CCT7: variants seen among roughly 807,000 people sequenced by gnomAD.
CCT7 encodes T-complex protein 1 subunit eta.
In CCT7, 16 loss-of-function variants were observed where a neutral mutation model predicts 56.6. That is an observed-to-expected ratio of 0.28 (90% confidence interval 0.19 to 0.43). CCT7 has a LOEUF of 0.43. Among genes scored for constraint, CCT7 ranks in the 20% least tolerant of loss-of-function variants. CCT7 has a pLI of 1.00. For synonymous variants in CCT7, 262 were observed against 254.8 expected (o/e 1.03, Z -0.27); for missense variants, 519 against 685.6 (o/e 0.76, Z 2.71).
At chr2:73,245,959 TTGAGATTAGATTGGCA>T (rs1687315246) in intron 6 of CCT7, among the ~76,000 whole-genome samples, 1 of 152,178 alleles carries the variant, frequency 6.6e-6, no homozygotes, top group African/African-American at 2.4e-5. Flanking sequence ...CCATAAATGG[TTGAGATTAGATTGGCA>T]TCCACTTCTA....
intron 7 of CCT7, 147 bp downstream of exon 7, chr2:73,248,073 C>G: frequency 1.4e-6 from 1 of 709,322 alleles, no homozygotes; most frequent in Non-Finnish European, 2.3e-6. Flanking sequence ...TCTTTCCATA[C>G]TCTGTGTTCT....
At chr2:73,247,988 G>A (rs1191339182) in intron 7 of CCT7, 62 bp downstream of exon 7, 5 of 1,464,276 alleles carry the variant, frequency 3.4e-6, no homozygotes, top group Non-Finnish European at 4.8e-6. Flanking sequence ...CCAGAGCCCT[G>A]GGTCTTCATG....
At position 73,244,613 on chromosome 2, in the gene CCT7, A is replaced by G. The variant is rs1222261462; in HGVS notation, c.516A>G (p.Lys172=). The change falls in exon 6 of 12, where the codon AAA becomes AAG. Residue 172 remains lysine (K), a synonymous_variant. Coordinates refer to ENST00000258091, the MANE Select transcript of CCT7 (RefSeq NM_006429.4). ...GCTCCAAGCTGATCTCCCAGCAGAA[A>G]GCTTTCTTTGCTAAGATGGTGGTGG... ...ALSSKLISQQ[K]AFFAKMVVDA... is the part of the protein sequence containing the mutation. 1.9e-6 allele frequency: 3 copies of G among 1,613,770 alleles called. No individual in the cohort carries two copies. Among genetic ancestry groups the G allele is most frequent in the African/African-American group, 1.3e-5 (1 of 74,934 alleles).
chr2:73,240,344 G>C (rs927091766), intron 2 of CCT7, 93 bp from the exon 3 acceptor site: 1 of 789,172 alleles, frequency 1.3e-6, no homozygotes, highest in East Asian at 2.6e-5. Flanking sequence ...GATCCCCTCT[G>C]CCCCATCCCA....
At chr2:73,245,726 C>A (rs1687305585) in intron 6 of CCT7, among the ~76,000 whole-genome samples, 1 of 152,206 alleles carries the variant, frequency 6.6e-6, no homozygotes, top group Admixed American at 6.5e-5. Flanking sequence ...CCTGGCCCTT[C>A]TCTTTAAATT....
rs746131337 is a variant in CCT7, at chr2:73,252,637, T to C, written c.1411-3T>C. 2 of 1,611,788 alleles carry C rather than the reference T, an allele frequency of 1.2e-6. No homozygotes were observed. The highest frequency in any genetic ancestry group is 1.7e-6 in the Non-Finnish European group (2 of 1,177,950). On this transcript the variant is annotated splice_region_variant and splice_polypyrimidine_tract_variant and intron_variant, in intron 11 of 11. Coordinates refer to ENST00000258091, the MANE Select transcript of CCT7 (RefSeq NM_006429.4). ...TACCTCCTTTCTTTTCCTACTCTTT[T>C]AGGGGGGTACATGGTATGGAGTAGA...
Position 73,251,439 on chromosome 2 carries a change from C to T in CCT7, c.1410+7C>T. ...GCGGGCTCGGCATGCCCAGGTGGGT[C>T]CTTTCTCTCCCCAGGGTTCAGGGTT... On this transcript the variant is annotated splice_region_variant and intron_variant, in intron 11 of 11. Transcript: ENST00000258091. 6.3e-7 allele frequency: 1 copy of T among 1,598,006 alleles called. No individual in the cohort carries two copies. The highest frequency in any genetic ancestry group is 8.6e-7 in the Non-Finnish European group (1 of 1,168,220).
chr2:73,241,095 G>T (rs1687092697), intron 3 of CCT7, among the ~76,000 whole-genome samples: 1 of 142,254 alleles, frequency 7.0e-6, no homozygotes, highest in African/African-American at 2.7e-5. Flanking sequence ...TTAATACCAT[G>T]TTTAAGTGTA....
Position 73,251,336 on chromosome 2 carries a change from T to C in CCT7, c.1314T>C (p.Tyr438=). The change falls in exon 11 of 12, where the codon TAT becomes TAC. Residue 438 remains tyrosine, a synonymous_variant. Coordinates refer to ENST00000258091, the MANE Select transcript of CCT7 (RefSeq NM_006429.4). ...AACAGCAGCTGTTGATTGGGGCATA[T>C]GCCAAGGCCTTGGAGATTATCCCAC... ...PGKQQLLIGA[Y]AKALEIIPRQ... 1.2e-6 allele frequency: 2 copies of C among 1,614,182 alleles called. No homozygotes were observed.
chr2:73,250,470 C>A, intron 10 of CCT7, 32 bp downstream of exon 10: 3 of 1,610,718 alleles, frequency 1.9e-6, no homozygotes, highest in Non-Finnish European at 2.5e-6. Flanking sequence ...GCTTGCACAG[C>A]CTACTCTCTC....
Position 73,249,708 on chromosome 2 carries a change from A to T in CCT7, c.973-111A>T, listed in dbSNP as rs561235975. 23 of 742,850 alleles carry T rather than the reference A, an allele frequency of 3.1e-5. No individual in the cohort carries two copies. In the African/African-American group the frequency reaches 3.9e-4, roughly 13 times the overall value. 46.0% of individuals were successfully genotyped at this position (742,850 alleles called of 1,614,324 possible). On this transcript the variant is annotated intron_variant, in intron 8 of 11. Coordinates refer to ENST00000258091, the MANE Select transcript of CCT7 (RefSeq NM_006429.4). ...CTGGAAGTCAAGGGAAAGGGCGGGTAATGTAGAGGCTCTGGGGGCATGCGT... is the reference window on the plus strand; with the variant it reads ...CTGGAAGTCAAGGGAAAGGGCGGGTTATGTAGAGGCTCTGGGGGCATGCGT...
intron 2 of CCT7, 142 bp downstream of exon 2, chr2:73,239,938 C>A: frequency 1.4e-6 from 1 of 730,502 alleles, no homozygotes; most frequent in Non-Finnish European, 2.3e-6. Flanking sequence ...AGTTCCAATT[C>A]TTATATTGTC....
At chr2:73,250,881 A>G (rs1162285171) in intron 10 of CCT7, among the ~76,000 whole-genome samples, 1 of 151,764 alleles carries the variant, frequency 6.6e-6, no homozygotes, top group East Asian at 1.9e-4. Context: ...TGGAGGTTAC[A>G]GTGAGCTATG....
Position 73,249,007 on chromosome 2 carries a change from T to A in CCT7, c.800T>A (p.Val267Asp). The change falls in exon 8 of 12, where the codon GTT becomes GAT. Residue 267 changes from valine (V) to aspartate (D), a missense_variant. Physicochemically the swap from Val to Asp is radical, Grantham distance 152. This residue lies in a region of CCT7 where 276 missense variants were observed against 357.3 expected (regional missense o/e 0.77). Coordinates refer to ENST00000258091, the MANE Select transcript of CCT7 (RefSeq NM_006429.4). ...VHTVEDYQAI[V>D]DAEWNILYDK... ...TCTCTCCAGGATTATCAGGCAATTG[T>A]TGATGCTGAGTGGAACATTCTCTAT... is the stretch of plus-strand genomic sequence containing the variant. 6.2e-7 allele frequency: 1 copy of A among 1,612,906 alleles called. No homozygotes were observed. Among genetic ancestry groups the A allele is most frequent in the Non-Finnish European group, 8.5e-7 (1 of 1,179,742 alleles).
intron 1 of CCT7, among the ~76,000 whole-genome samples, chr2:73,237,295 T>C (rs1377821924): frequency 6.6e-6 from 1 of 152,180 alleles, no homozygotes; most frequent in African/African-American, 2.4e-5. Context: ...AGAGTGACTA[T>C]TTTAGATGGG....
intron 6 of CCT7, 83 bp downstream of exon 6, chr2:73,244,798 T>A: frequency 1.9e-6 from 2 of 1,077,920 alleles, no homozygotes; most frequent in Non-Finnish European, 2.6e-6. Flanking sequence ...GGGGTACTCA[T>A]TACAGGAATA....
At chr2:73,238,867 C>T (rs956709867) in intron 1 of CCT7, among the ~76,000 whole-genome samples, 1 of 152,156 alleles carries the variant, frequency 6.6e-6, no homozygotes, top group African/African-American at 2.4e-5. Flanking sequence ...AAGCAAGTAT[C>T]CCTGTTTCTC....
intron 1 of CCT7, 109 bp downstream of exon 1, chr2:73,234,493 T>G: frequency 7.7e-7 from 1 of 1,306,762 alleles, no homozygotes; most frequent in Non-Finnish European, 1.1e-6. Flanking sequence ...GCCGCCTCTG[T>G]CCTCGCCCAG....
At chr2:73,242,117 A>G (rs1028989887) in intron 3 of CCT7, among the ~76,000 whole-genome samples, 1 of 145,134 alleles carries the variant, frequency 6.9e-6, no homozygotes, top group East Asian at 2.0e-4. Context: ...ACTGAAAGTT[A>G]CCTTTTTTTT....
Sources: gnomAD v4.1 joint callset for allele counts (sites outside exome capture counted in the v4.1 genomes callset) on GRCh38, gnomAD v4.1.1 for gene constraint, gnomAD v4.1.1 regional missense constraint, MANE v1.5 for transcripts, NCBI Gene and HGNC (gene_info 2026-07-23, HGNC 2026-07-21) for gene names.